Variants in TRA2A observed in about 807,000 individuals in gnomAD.
TRA2A encodes the protein transformer 2 alpha homolog.
In TRA2A, 31 loss-of-function variants were observed where a neutral mutation model predicts 45.7. The observed-to-expected ratio is 0.68, with a 90% CI of 0.51 to 0.92. The LOEUF is 0.92. TRA2A is among the 40% of genes least tolerant of loss of function. The pLI, the probability that TRA2A is intolerant of heterozygous loss-of-function variation, is 0.00. For synonymous variants in TRA2A, 132 were observed against 126.2 expected, an observed-to-expected ratio of 1.05 and a Z score of -0.31; for missense variants, 304 against 367.5, an observed-to-expected ratio of 0.83 and a Z score of 1.41.
In TRA2A at chr7:23,511,100, G is replaced by A. The variant is rs749382604; in HGVS notation, c.525+1794C>T. On this transcript the variant is annotated intron_variant, in intron 4 of 7. Coordinates refer to ENST00000297071, the MANE Select transcript of TRA2A (RefSeq NM_013293.5). ...AAGATAGCCTTATTTGGCCAGGCGCGGTGGCTCACACCTGTAATTCCAACA... is the reference window on the plus strand; with the variant it reads ...AAGATAGCCTTATTTGGCCAGGCGCAGTGGCTCACACCTGTAATTCCAACA... Among the ~76,000 whole-genome samples, 141 of 151,848 alleles carry A rather than the reference G, an allele frequency of 9.3e-4. 2 individuals carry two copies. The highest frequency in any genetic ancestry group is 7.9e-4 in the Admixed American group (12 of 15,198).
chr7:23,505,574 AAG>A lies in TRA2A; in HGVS notation c.839-7_839-6del. 1.9e-6 allele frequency: 1 copy of A among 534,338 alleles called. No homozygotes were observed. Among genetic ancestry groups the A allele is most frequent in the African/African-American group, 2.1e-5 (1 of 48,634 alleles). The allele number at this position is 534,338 out of a possible 1,614,324, so 33.1% of individuals were successfully genotyped here. A position where few individuals can be genotyped will look rare whatever the true frequency, so the allele number is the denominator to read the frequency against. On this transcript the variant is annotated splice_polypyrimidine_tract_variant and splice_region_variant and intron_variant, in intron 7 of 7. Coordinates refer to ENST00000297071, the MANE Select transcript of TRA2A (RefSeq NM_013293.5). ...CATTCCGTTATCAATAGCGTCCTAA[AAG>A]AGAAAAAGCAAAAAAAAAAAAAAAA... is the stretch of plus-strand genomic sequence containing the variant.
At position 23,507,505 on chromosome 7, in the gene TRA2A, C is replaced by G; in HGVS notation, c.556G>C (p.Asp186His). 1 of 1,614,166 alleles carries G rather than the reference C, an allele frequency of 6.2e-7. No individual in the cohort carries two copies. Among genetic ancestry groups the G allele is most frequent in the Non-Finnish European group, 8.5e-7 (1 of 1,180,034 alleles). The change falls in exon 5 of 8, where the codon GAT (aspartate) becomes CAT (histidine). Residue 186 changes from aspartate (D) to histidine (H), a missense_variant. This residue lies in a region of TRA2A where 130 missense variants were observed against 217.1 expected (regional missense o/e 0.60). Coordinates refer to ENST00000297071, the MANE Select transcript of TRA2A (RefSeq NM_013293.5). The stretch of plus-strand genomic sequence containing the variant: ...TAATCCACCCGAATTCTTCTACCAT[C>G]CAGCTCCATTCCATTTGCCCTTTCC... ...AMERANGMEL[D>H]GRRIRVDYSI... is the part of the protein sequence containing the mutation.
At chr7:23,522,948 A>C (rs1790194109) in intron 1 of TRA2A, among the ~76,000 whole-genome samples, 1 of 152,158 alleles carries the variant, frequency 6.6e-6, no homozygotes, top group African/African-American at 2.4e-5. Flanking sequence ...AAATCAGTAA[A>C]ATTACACCTT....
rs370552511 is a variant in TRA2A at position 23,513,102 on chromosome 7, T to A, written c.337-20A>T. ...ATTTGCCTATTGAATGGAAATATTATTTAAAACTCCAAATTAAAATCAAAA... is the reference window on the plus strand; with the variant it reads ...ATTTGCCTATTGAATGGAAATATTAATTAAAACTCCAAATTAAAATCAAAA... On this transcript the variant is annotated intron_variant, in intron 3 of 7. Transcript: ENST00000297071. 5.2e-5 allele frequency: 81 copies of A among 1,546,958 alleles called. No homozygotes were observed. The African/African-American group carries it at 1.0e-3, about 19-fold the overall frequency.
At chr7:23,511,892 A>G (rs2127993017) in intron 4 of TRA2A, among the ~76,000 whole-genome samples, 1 of 152,368 alleles carries the variant, frequency 6.6e-6, no homozygotes, top group South Asian at 2.1e-4. Context: ...CACACTGATA[A>G]ATGAACATTT....
In TRA2A at chr7:23,505,675, C is replaced by T; in HGVS notation, c.838+71G>A. 3.1e-6 allele frequency: 3 copies of T among 955,482 alleles called. No homozygotes were observed. In the South Asian group the frequency reaches 4.9e-5, roughly 15 times the overall value. The allele number at this position is 955,482 out of a possible 1,614,324, so 59.2% of individuals were successfully genotyped here. Reference sequence around the variant, plus strand: ...ATTAACTGCCACCTTCCACCTTATACTCTAATATTCTAAAGTAAGCCATTA... The same window carrying T: ...ATTAACTGCCACCTTCCACCTTATATTCTAATATTCTAAAGTAAGCCATTA... On this transcript the variant is annotated intron_variant, in intron 7 of 7. Coordinates refer to ENST00000297071, the MANE Select transcript of TRA2A (RefSeq NM_013293.5).
At position 23,507,562 on chromosome 7, in the gene TRA2A, C is replaced by G. The variant is rs750254108; in HGVS notation, c.526-27G>C. ...TATAAAGAACAGGCACAAAAAGTCA[C>G]GTATAATTCACCAGTCTTGAAGTAA... On this transcript the variant is annotated intron_variant, in intron 4 of 7. Transcript: ENST00000297071. The G allele has an allele frequency of 4.4e-5, 66 of 1,498,822 alleles. No individual in the cohort carries two copies. In the East Asian group the frequency reaches 1.5e-3, roughly 34 times the overall value. The allele number at this position is 1,498,822 out of a possible 1,614,324, so 92.8% of individuals were successfully genotyped here. A position where few individuals can be genotyped will look rare whatever the true frequency, so the allele number is the denominator to read the frequency against.
chr7:23,519,952 G>A (rs778170963), intron 2 of TRA2A, among the ~76,000 whole-genome samples: 2 of 152,192 alleles, frequency 1.3e-5, no homozygotes, highest in African/African-American at 2.4e-5. Flanking sequence ...TTCCAGCTGG[G>A]CGCAGTGGCT....
chr7:23,518,095 T>C (rs1400289848), intron 2 of TRA2A, among the ~76,000 whole-genome samples: 1 of 151,830 alleles, frequency 6.6e-6, no homozygotes, highest in Admixed American at 6.6e-5. Context: ...TGCACCACCA[T>C]GCCTGGCTAA....
At chr7:23,524,692 TA>T (rs1394095514) in intron 1 of TRA2A, among the ~76,000 whole-genome samples, 2,546 of 59,742 alleles carry the variant, frequency 0.043, 74 homozygotes, top group African/African-American at 0.21. Context: ...TGATTTTAAC[TA>T]TTTTTTTTTT....
intron 1 of TRA2A, chr7:23,522,406 C>G: frequency 7.9e-7 from 1 of 1,272,596 alleles, no homozygotes; most frequent in African/African-American, 1.5e-5. Flanking sequence ...TTGGAAAAAA[C>G]TCTTCAATTT....
rs748989656 is a variant in TRA2A, at chr7:23,531,857, G to C, written c.-33C>G. 1 of 1,613,072 alleles carries C rather than the reference G, an allele frequency of 6.2e-7. No individual in the cohort carries two copies. The highest frequency in any genetic ancestry group is 8.5e-7 in the Non-Finnish European group (1 of 1,179,786). On this transcript the variant is annotated 5_prime_UTR_variant, in exon 1 of 8. Coordinates refer to ENST00000297071, the MANE Select transcript of TRA2A (RefSeq NM_013293.5). Reference sequence around the variant, plus strand: ...AGGCGCTCCCCAGAACTAAATAAGAGACAAGTCTCGGCTCGAGGGCCGATG... The same window carrying C: ...AGGCGCTCCCCAGAACTAAATAAGACACAAGTCTCGGCTCGAGGGCCGATG...
At chr7:23,505,611 T>C in intron 7 of TRA2A, 42 bp from the exon 8 acceptor site, 3 of 505,700 alleles carry the variant, frequency 5.9e-6, no homozygotes, top group East Asian at 6.8e-5. Context: ...AAAAAAAAGT[T>C]AACAATTATA....
chr7:23,529,401 C>G (rs1790473953), intron 1 of TRA2A, among the ~76,000 whole-genome samples: 1 of 152,148 alleles, frequency 6.6e-6, no homozygotes, highest in Non-Finnish European at 1.5e-5. Context: ...GCTGTGATCA[C>G]AGGCGCACGC....
intron 4 of TRA2A, among the ~76,000 whole-genome samples, chr7:23,509,017 TA>T (rs1789472784): frequency 6.6e-6 from 1 of 151,884 alleles, no homozygotes; most frequent in Non-Finnish European, 1.5e-5. Context: ...CACACACATA[TA>T]TATATTTGTA....
intron 2 of TRA2A, among the ~76,000 whole-genome samples, chr7:23,521,287 G>A (rs1180459287): frequency 6.6e-6 from 1 of 152,208 alleles, no homozygotes; most frequent in Non-Finnish European, 1.5e-5. Flanking sequence ...CTCCAATGCA[G>A]AAAACCGCCT....
intron 5 of TRA2A, chr7:23,506,566 A>G: frequency 3.0e-6 from 1 of 334,694 alleles, no homozygotes; most frequent in Non-Finnish European, 5.4e-6. Context: ...GTTGAGCAGC[A>G]GTATAAAAAT....
chr7:23,520,053 C>T (rs1365810246), intron 2 of TRA2A, among the ~76,000 whole-genome samples: 1 of 152,136 alleles, frequency 6.6e-6, no homozygotes, highest in Non-Finnish European at 1.5e-5. Flanking sequence ...ATGGTGAAAC[C>T]TCGTTTCTAC....
intron 2 of TRA2A, among the ~76,000 whole-genome samples, chr7:23,519,495 G>A (rs1790037728): frequency 6.6e-6 from 1 of 152,150 alleles, no homozygotes; most frequent in Non-Finnish European, 1.5e-5. Context: ...GGTGGAGGTT[G>A]CAGTGAGCCA....
Sources: gnomAD v4.1 joint callset for allele counts (sites outside exome capture counted in the v4.1 genomes callset) on GRCh38, gnomAD v4.1.1 for gene constraint, gnomAD v4.1.1 regional missense constraint, MANE v1.5 for transcripts, NCBI Gene and HGNC (gene_info 2026-07-23, HGNC 2026-07-21) for gene names.